The following ENTPD1 variants were observed in gnomAD, a reference collection of about 807,000 sequenced individuals.
The protein encoded by ENTPD1 is ATP diphosphohydrolase.
Under a neutral mutation model 57.0 loss-of-function variants are expected in ENTPD1, and 33 were observed. That is an observed-to-expected ratio of 0.58 (90% CI 0.44 to 0.77). The LOEUF (loss-of-function observed/expected upper bound fraction) is 0.77. Among genes scored for constraint, ENTPD1 ranks in the 30% least tolerant of loss-of-function variants. The probability of loss-of-function intolerance (pLI) is 0.00; values close to 1 mark genes in which losing one functional copy is unlikely to be tolerated. For synonymous variants in ENTPD1, 202 were observed against 218.8 expected (o/e 0.92, Z 0.68); for missense variants, 501 against 603.4 (o/e 0.83, Z 1.78).
chr10:95,738,460 G>C (rs2097996911), intron 1 of ENTPD1, among the ~76,000 whole-genome samples: 1 of 152,198 alleles, frequency 6.6e-6, no homozygotes, highest in African/African-American at 2.4e-5. Context: ...AGGAGTCACT[G>C]TCCAAAGGCT....
the ENTPD1 span, among the ~76,000 whole-genome samples, chr10:95,695,589 ATGT>A: frequency 2.6e-4 from 40 of 152,154 alleles, no homozygotes; most frequent in Non-Finnish European, 4.9e-4. Context: ...ATATGTTTTT[ATGT>A]TGTTGTGTGA....
At chr10:95,706,504 C>T in the ENTPD1 span, among the ~76,000 whole-genome samples, 4 of 151,960 alleles carry the variant, frequency 2.6e-5, no homozygotes, top group Non-Finnish European at 4.4e-5. Context: ...GCCCGCTGGT[C>T]GTCCCATCAT....
intron 1 of ENTPD1, among the ~76,000 whole-genome samples, chr10:95,738,612 T>C (rs914784681): frequency 2.6e-5 from 4 of 152,180 alleles, no homozygotes; most frequent in Admixed American, 2.6e-4. Context: ...AGAAGACCTA[T>C]TCCTTCTCAC....
rs552422658 is a variant in ENTPD1, at chr10:95,800,857, CAT to C, written c.17-22379_17-22378del. 3.2e-4 allele frequency among the ~76,000 whole-genome samples: 48 copies of C among 152,274 alleles called. No homozygotes were observed. The East Asian group carries it at 7.9e-3, about 25-fold the overall frequency. The stretch of plus-strand genomic sequence containing the variant: ...ACTGATTTTATATTGTTTAAACACA[CAT>C]GTTTTACAAACAATTTGTACAGTTA... On this transcript the variant is annotated intron_variant, in intron 1 of 9. Transcript: ENST00000371205.
At chr10:95,779,438 A>G (rs1212609150) in intron 1 of ENTPD1, among the ~76,000 whole-genome samples, 6 of 152,204 alleles carry the variant, frequency 3.9e-5, no homozygotes, top group Non-Finnish European at 7.3e-5. Context: ...ATAACTTAAC[A>G]TAGGGTCCAG....
rs188470608 is a variant in ENTPD1, at chr10:95,872,171, G to C, written c.*5788G>C. Reference sequence around the variant, plus strand: ...ACCTGGACTGATACCAGGAATGGTGGTGTTGCTTCCAATCTGTTGCTGCTA... The same window carrying C: ...ACCTGGACTGATACCAGGAATGGTGCTGTTGCTTCCAATCTGTTGCTGCTA... On this transcript the variant is annotated 3_prime_UTR_variant, in exon 10 of 10. Transcript: ENST00000371205. The C allele has an allele frequency of 3.0e-6, 3 of 985,328 alleles. No homozygotes were observed. The highest frequency in any genetic ancestry group is 1.7e-5 in the African/African-American group (1 of 57,242). 61.0% of individuals were successfully genotyped at this position (985,328 alleles called of 1,614,324 possible). A position where few individuals can be genotyped will look rare whatever the true frequency, so the allele number is the denominator to read the frequency against.
Position 95,756,259 on chromosome 10 carries a change from A to C in ENTPD1, c.16+4A>C. 6.3e-7 allele frequency: 1 copy of C among 1,591,968 alleles called. No individual in the cohort carries two copies. Among genetic ancestry groups the C allele is most frequent in the East Asian group, 2.3e-5 (1 of 43,768 alleles). On this transcript the variant is annotated splice_donor_region_variant and intron_variant, in intron 1 of 9. Coordinates refer to ENST00000371205, the MANE Select transcript of ENTPD1 (RefSeq NM_001776.6). ...CTACTTATGGAAGATACAAAGGGTA[A>C]GACCAAAATTGATTTGATCTGAATC...
Position 95,722,117 on chromosome 10 carries a change from GC to G in ENTPD1, c.37+10125del, listed in dbSNP as rs547829021. Among the ~76,000 whole-genome samples the G allele has an allele frequency of 2.8e-3, 427 of 152,166 alleles. 2 individuals carry two copies. Among genetic ancestry groups the G allele is most frequent in the African/African-American group, 1.0e-2 (414 of 41,540 alleles). On this transcript the variant is annotated intron_variant, in intron 1 of 9. Transcript: ENST00000453258. ...GATAGATTTTTTTGATTCTATAAGT[GC>G]TTTAAGACTTGGCTGAGTGAAAACA...
At chr10:95,710,529 G>A (rs1052250372), upstream of ENTPD1, among the ~76,000 whole-genome samples, 2 of 152,102 alleles carry the variant, frequency 1.3e-5, no homozygotes, top group African/African-American at 4.8e-5. Context: ...GAAAACAAAT[G>A]TTTAGTAGCT....
chr10:95,864,503 A>C (rs2098470616), intron 8 of ENTPD1, among the ~76,000 whole-genome samples: 1 of 152,212 alleles, frequency 6.6e-6, no homozygotes, highest in Non-Finnish European at 1.5e-5. Flanking sequence ...ATCTCATAGA[A>C]GCCTGTGCAG....
intron 1 of ENTPD1, among the ~76,000 whole-genome samples, chr10:95,802,232 A>T (rs2098252647): frequency 6.6e-6 from 1 of 152,194 alleles, no homozygotes; most frequent in African/African-American, 2.4e-5. Context: ...TTTCTGTTTG[A>T]CAATTGCTTG....
At chr10:95,792,612 G>T (rs2098209481) in intron 1 of ENTPD1, among the ~76,000 whole-genome samples, 1 of 152,166 alleles carries the variant, frequency 6.6e-6, no homozygotes, top group Non-Finnish European at 1.5e-5. Flanking sequence ...TGGCCTGTTG[G>T]GAAATTAGGC....
At position 95,870,176 on chromosome 10, in the gene ENTPD1, T is replaced by C. The variant is rs1443491301; in HGVS notation, c.*3793T>C. 4.1e-6 allele frequency: 4 copies of C among 985,348 alleles called. No individual in the cohort carries two copies. The highest frequency in any genetic ancestry group is 1.7e-5 in the African/African-American group (1 of 57,258). The allele number at this position is 985,348 out of a possible 1,614,324, so 61.0% of individuals were successfully genotyped here. A position where few individuals can be genotyped will look rare whatever the true frequency, so the allele number is the denominator to read the frequency against. Reference sequence around the variant, plus strand: ...GATGTGAAGGCAGGGATGCCTGTTATTCAGTCCAAGATGCATGACAAGAGA... The same window carrying C: ...GATGTGAAGGCAGGGATGCCTGTTACTCAGTCCAAGATGCATGACAAGAGA... On this transcript the variant is annotated 3_prime_UTR_variant, in exon 10 of 10. Coordinates refer to ENST00000371205, the MANE Select transcript of ENTPD1 (RefSeq NM_001776.6).
intron 9 of ENTPD1, among the ~76,000 whole-genome samples, chr10:95,865,954 A>C (rs1162959233): frequency 1.3e-5 from 2 of 152,066 alleles, no homozygotes; most frequent in Non-Finnish European, 2.9e-5. Context: ...TTAGAGAGAC[A>C]GGGTCTCACT....
intron 3 of ENTPD1, among the ~76,000 whole-genome samples, 200 bp downstream of exon 3, chr10:95,840,008 A>G (rs1339378991): frequency 6.6e-6 from 1 of 152,192 alleles, no homozygotes. Context: ...CTAAGAATAA[A>G]CACACATAAA....
At chr10:95,817,739 C>T (rs2098334952) in intron 1 of ENTPD1, among the ~76,000 whole-genome samples, 1 of 152,310 alleles carries the variant, frequency 6.6e-6, no homozygotes, top group Middle Eastern at 3.4e-3. Flanking sequence ...TTTTTACCTT[C>T]CTTGCTTTTT....
At chr10:95,853,826 C>A (rs192875330) in intron 7 of ENTPD1, among the ~76,000 whole-genome samples, 71 of 152,208 alleles carry the variant, frequency 4.7e-4, no homozygotes, top group African/African-American at 1.5e-3. Flanking sequence ...CTGCTGGATT[C>A]GGTTTGCCAG....
intron 1 of ENTPD1, among the ~76,000 whole-genome samples, chr10:95,784,796 C>T (rs35360884): frequency 0.053 from 7,996 of 152,182 alleles, 271 homozygotes; most frequent in Non-Finnish European, 0.081. Flanking sequence ...TATGAGCATT[C>T]AGGTCTACAA....
intron 7 of ENTPD1, among the ~76,000 whole-genome samples, chr10:95,858,094 T>C (rs1455538265): frequency 6.6e-6 from 1 of 151,156 alleles, no homozygotes; most frequent in Non-Finnish European, 1.5e-5. Flanking sequence ...GACGCAGAGC[T>C]TGCAGTGAGC....
Sources: allele counts gnomAD v4.1 joint callset (sites outside exome capture counted in the v4.1 genomes callset), GRCh38; gene constraint gnomAD v4.1.1; transcripts MANE v1.5; gene names NCBI Gene and HGNC (gene_info 2026-07-23, HGNC 2026-07-21).